The following SPTBN1 variants were observed in gnomAD, a reference collection of about 807,000 sequenced individuals.
SPTBN1 encodes the protein spectrin beta, non-erythrocytic 1, also known as spectrin beta chain, non-erythrocytic 1.
In SPTBN1, 32 loss-of-function variants were observed where a neutral mutation model predicts 266.4. That is an observed-to-expected ratio of 0.12 (90% CI 0.09 to 0.16). The LOEUF (loss-of-function observed/expected upper bound fraction) is 0.16, where lower values mean the gene tolerates loss of function less well. SPTBN1 is among the 10% of genes least tolerant of loss of function. The pLI is 1.00. For missense variants in SPTBN1, 2,296 were observed against 3,067.1 expected (o/e 0.75, Z 5.94); for synonymous variants, 1,336 against 1,162.2 (o/e 1.15, Z -3.04).
At chr2:54,592,948 G>T (rs1224054641) in intron 2 of SPTBN1, among the ~76,000 whole-genome samples, 2 of 152,170 alleles carry the variant, frequency 1.3e-5, no homozygotes, top group African/African-American at 2.4e-5. Flanking sequence ...CTAATAGTTT[G>T]CTGTGAAGAT....
chr2:54,620,960 C>T (rs182645826), intron 7 of SPTBN1, among the ~76,000 whole-genome samples: 108 of 152,170 alleles, frequency 7.1e-4, no homozygotes, highest in African/African-American at 2.5e-3. Flanking sequence ...GGTTATGTGA[C>T]AGGATGGGTC....
chr2:54,651,760 G>T (rs928177935), intron 26 of SPTBN1, among the ~76,000 whole-genome samples: 9 of 152,178 alleles, frequency 5.9e-5, no homozygotes, highest in African/African-American at 2.2e-4. Context: ...TAGCTTTTCA[G>T]ATAATTTCCT....
intron 2 of SPTBN1, among the ~76,000 whole-genome samples, chr2:54,567,139 G>T (rs1673717818): frequency 6.6e-6 from 1 of 152,208 alleles, no homozygotes; most frequent in South Asian, 2.1e-4. Context: ...AGCAAGTGGA[G>T]AAATAAACTT....
At chr2:54,660,040 T>G (rs772395602) in intron 32 of SPTBN1, 41 bp downstream of exon 32, 3 of 1,614,182 alleles carry the variant, frequency 1.9e-6, no homozygotes, top group Non-Finnish European at 2.5e-6. Flanking sequence ...TACAAAAACT[T>G]TAATAGCAGA....
intron 17 of SPTBN1, among the ~76,000 whole-genome samples, chr2:54,636,716 A>G (rs1323615435): frequency 2.6e-5 from 4 of 152,232 alleles, no homozygotes; most frequent in Admixed American, 2.6e-4. Flanking sequence ...GCAGAGAGAA[A>G]TTGCTCTAAG....
intron 1 of SPTBN1, among the ~76,000 whole-genome samples, chr2:54,502,322 G>C (rs1669317850): frequency 6.6e-6 from 1 of 152,106 alleles, no homozygotes; most frequent in Non-Finnish European, 1.5e-5. Flanking sequence ...GTAGTGGGCA[G>C]CTGGCATCAA....
In SPTBN1 at chr2:54,670,371, T is replaced by G. The variant is rs1214026108; in HGVS notation, c.*1802T>G. On this transcript the variant is annotated 3_prime_UTR_variant, in exon 36 of 36. Coordinates refer to ENST00000356805, the MANE Select transcript of SPTBN1 (RefSeq NM_003128.3). Reference sequence around the variant, plus strand: ...CATAAAGCAGCAATGGATATTAGTATTATGGATGTCCAGTAAGTTATTCCA... The same window carrying G: ...CATAAAGCAGCAATGGATATTAGTAGTATGGATGTCCAGTAAGTTATTCCA... 1.7e-5 allele frequency: 4 copies of G among 242,284 alleles called. No homozygotes were observed. The highest frequency in any genetic ancestry group is 5.6e-5 in the Admixed American group (1 of 17,976). 15.0% of individuals were successfully genotyped at this position (242,284 alleles called of 1,614,324 possible). A position where few individuals can be genotyped will look rare whatever the true frequency, so the allele number is the denominator to read the frequency against.
chr2:54,585,582 T>C (rs1675236338), intron 2 of SPTBN1, among the ~76,000 whole-genome samples: 1 of 152,244 alleles, frequency 6.6e-6, no homozygotes, highest in Admixed American at 6.5e-5. Context: ...TTTCAGTGTT[T>C]GACCCTATGT....
intron 18 of SPTBN1, among the ~76,000 whole-genome samples, chr2:54,642,516 TAATA>T (rs1398696179): frequency 7.1e-6 from 1 of 141,466 alleles, no homozygotes; most frequent in Non-Finnish European, 1.5e-5. Flanking sequence ...AAGGGGGAGG[TAATA>T]AATAAGTAGT....
At chr2:54,559,937 A>C (rs1293333416) in intron 2 of SPTBN1, among the ~76,000 whole-genome samples, 1 of 152,008 alleles carries the variant, frequency 6.6e-6, no homozygotes, top group African/African-American at 2.4e-5. Context: ...TCATTGGTTT[A>C]TTTGTCTTGT....
In SPTBN1 at chr2:54,484,122, G is replaced by C. The variant is rs796505524; in HGVS notation, c.-48+27604G>C. On this transcript the variant is annotated intron_variant, in intron 1 of 35. Coordinates refer to ENST00000356805, the MANE Select transcript of SPTBN1 (RefSeq NM_003128.3). ...GATTACTTGAGCTCAGGAGGCAGAGGTTGCAGTGAGCTGTGATTGCACCAC... is the reference window on the plus strand; with the variant it reads ...GATTACTTGAGCTCAGGAGGCAGAGCTTGCAGTGAGCTGTGATTGCACCAC... 3.9e-5 allele frequency among the ~76,000 whole-genome samples: 6 copies of C among 152,280 alleles called. 1 individual carries two copies. Among genetic ancestry groups the C allele is most frequent in the African/African-American group, 1.4e-4 (6 of 41,558 alleles).
At chr2:54,609,086 A>C (rs1022143247) in intron 3 of SPTBN1, among the ~76,000 whole-genome samples, 3 of 152,196 alleles carry the variant, frequency 2.0e-5, no homozygotes, top group African/African-American at 7.2e-5. Flanking sequence ...AAGGGGAGGC[A>C]GAAGAGGCAG....
At position 54,668,603 on chromosome 2, in the gene SPTBN1, C is replaced by T. The variant is rs1681542640; in HGVS notation, c.*34C>T. The T allele has an allele frequency of 3.8e-6, 6 of 1,562,814 alleles. No homozygotes were observed. Among genetic ancestry groups the T allele is most frequent in the Non-Finnish European group, 5.2e-6 (6 of 1,150,650 alleles). On this transcript the variant is annotated 3_prime_UTR_variant, in exon 36 of 36. Transcript: ENST00000356805. Reference sequence around the variant, plus strand: ...CCTTCACCTCCTGCCCTTCTCTTACCTTTTCAGTGAAATTCCAGCATGCAA... The same window carrying T: ...CCTTCACCTCCTGCCCTTCTCTTACTTTTTCAGTGAAATTCCAGCATGCAA...
chr2:54,484,483 G>C (rs1254658244), intron 1 of SPTBN1, among the ~76,000 whole-genome samples: 1 of 152,124 alleles, frequency 6.6e-6, no homozygotes, highest in African/African-American at 2.4e-5. Flanking sequence ...CAAGCTCAGA[G>C]AGCAAGGTAG....
chr2:54,537,232 G>C (rs1671667955), intron 2 of SPTBN1, among the ~76,000 whole-genome samples: 1 of 152,154 alleles, frequency 6.6e-6, no homozygotes, highest in African/African-American at 2.4e-5. Context: ...TTGGTATACT[G>C]TCATTCCAAC....
At chr2:54,605,775 C>T (rs1013936181) in intron 3 of SPTBN1, among the ~76,000 whole-genome samples, 2 of 152,166 alleles carry the variant, frequency 1.3e-5, no homozygotes, top group East Asian at 1.9e-4. Flanking sequence ...CCACTCCTCT[C>T]GTATAGTACC....
intron 2 of SPTBN1, among the ~76,000 whole-genome samples, chr2:54,545,959 T>C (rs1267958091): frequency 6.6e-6 from 1 of 152,212 alleles, no homozygotes; most frequent in African/African-American, 2.4e-5. Flanking sequence ...TTTGTCCTTC[T>C]ACAGGAAATA....
At chr2:54,622,153 G>A in intron 8 of SPTBN1, 147 bp from the exon 9 acceptor site, 1 of 715,678 alleles carries the variant, frequency 1.4e-6, no homozygotes, top group Non-Finnish European at 2.2e-6. Context: ...TAAAATGCTT[G>A]TGCCCAGGTA....
intron 1 of SPTBN1, among the ~76,000 whole-genome samples, chr2:54,499,208 G>A (rs1669126498): frequency 6.6e-6 from 1 of 152,188 alleles, no homozygotes; most frequent in African/African-American, 2.4e-5. Flanking sequence ...GGCAATATTA[G>A]TAGTTTTTTT....
Sources: gnomAD v4.1 joint callset for allele counts (sites outside exome capture counted in the v4.1 genomes callset) on GRCh38, gnomAD v4.1.1 for gene constraint, MANE v1.5 for transcripts, NCBI Gene and HGNC (gene_info 2026-07-23, HGNC 2026-07-21) for gene names.